The following CATSPERE variants were observed in gnomAD, a reference collection of about 807,000 sequenced individuals.
CATSPERE encodes the protein catsper channel auxiliary subunit epsilon.
Under a neutral mutation model 114.1 loss-of-function variants are expected in CATSPERE, and 93 were observed. The observed-to-expected ratio is 0.81, with a 90% CI of 0.69 to 0.97. CATSPERE has a LOEUF of 0.97. Ranked by LOEUF, CATSPERE falls within the 50% of genes least tolerant of loss-of-function variation. The probability of loss-of-function intolerance (pLI) is 0.00; values close to 1 mark genes in which losing one functional copy is unlikely to be tolerated. For synonymous variants in CATSPERE, 341 were observed against 384.1 expected, an observed-to-expected ratio of 0.89 and a Z score of 1.31; for missense variants, 1,058 against 1,131.6, an observed-to-expected ratio of 0.93 and a Z score of 0.93.
chr1:244,493,923 A>C (rs879537709), intron 6 of CATSPERE, among the ~76,000 whole-genome samples: 40 of 152,368 alleles, frequency 2.6e-4, no homozygotes, highest in Non-Finnish European at 5.1e-4. Context: ...CTCCAGTTAG[A>C]ATGGCGATCA....
At chr1:244,614,910 CAT>C (rs1450211722) in intron 19 of CATSPERE, among the ~76,000 whole-genome samples, 1 of 152,062 alleles carries the variant, frequency 6.6e-6, no homozygotes, top group Non-Finnish European at 1.5e-5. Context: ...AGTTACGTAA[CAT>C]GTTACATTTT....
At chr1:244,496,411 T>A (rs1176771000) in intron 6 of CATSPERE, among the ~76,000 whole-genome samples, 1 of 152,138 alleles carries the variant, frequency 6.6e-6, no homozygotes, top group African/African-American at 2.4e-5. Flanking sequence ...AACTGGCCAA[T>A]GATGGATGGG....
rs1673908448 is a variant in CATSPERE, at chr1:244,500,727, A to G, written c.429+1648A>G. 2.0e-5 allele frequency among the ~76,000 whole-genome samples: 3 copies of G among 152,176 alleles called. No homozygotes were observed. In the South Asian group the frequency reaches 6.2e-4, roughly 32 times the overall value. On this transcript the variant is annotated intron_variant, in intron 7 of 21. Coordinates refer to ENST00000366534, the MANE Select transcript of CATSPERE (RefSeq NM_001130957.2). ...ATATATCTGTTTTGTTACCAGTACC[A>G]TGCTGTTTTGGTTACTGTAGCTTTG...
intron 18 of CATSPERE, among the ~76,000 whole-genome samples, chr1:244,606,190 CTT>C (rs1473228570): frequency 1.3e-5 from 2 of 152,100 alleles, no homozygotes; most frequent in African/African-American, 4.8e-5. Flanking sequence ...ACCCTGCTGA[CTT>C]TGGCTTCAGT....
Position 244,605,784 on chromosome 1 carries a change from C to G in CATSPERE, c.2393C>G (p.Thr798Ser), listed in dbSNP as rs1197615649. 1.2e-6 allele frequency: 2 copies of G among 1,602,636 alleles called. No individual in the cohort carries two copies. The highest frequency in any genetic ancestry group is 3.4e-5 in the Admixed American group (2 of 59,674). ...HGRDDYSFNN[T>S]MAQSGCLHEA... ...AGGGATGACTATAGCTTTAATAATA[C>G]TATGGCACAGGTATGGCATCTTTGG... Residue 798 changes from threonine (T) to serine (S), a missense_variant, in exon 18 of 22, where the codon ACT becomes AGT. Transcript: ENST00000366534.
intron 17 of CATSPERE, 97 bp from the exon 18 acceptor site, chr1:244,605,598 A>G (rs1315898499): frequency 2.9e-6 from 2 of 688,888 alleles, no homozygotes; most frequent in Non-Finnish European, 4.9e-6. Flanking sequence ...TGATAAAGAC[A>G]GGATTTAAAC....
chr1:244,583,842 C>T (rs1007453295), intron 12 of CATSPERE, 22 bp from the exon 13 acceptor site: 3 of 1,605,138 alleles, frequency 1.9e-6, no homozygotes, highest in Admixed American at 3.3e-5. Flanking sequence ...ATACAATAAC[C>T]TGTACGAATT....
intron 17 of CATSPERE, among the ~76,000 whole-genome samples, chr1:244,594,790 C>A (rs1316320904): frequency 6.6e-6 from 1 of 152,180 alleles, no homozygotes; most frequent in Admixed American, 6.5e-5. Flanking sequence ...CACTGGGATC[C>A]TGCAGGCCTC....
chr1:244,463,953 T>C lies in CATSPERE; in HGVS notation c.111T>C (p.Ser37=). 1 of 1,597,542 alleles carries C rather than the reference T, an allele frequency of 6.3e-7. No homozygotes were observed. Among genetic ancestry groups the C allele is most frequent in the Non-Finnish European group, 8.6e-7 (1 of 1,165,462 alleles). The change falls in exon 2 of 22, where the codon AGT becomes AGC. Residue 37 remains serine, a synonymous_variant. Transcript: ENST00000366534. ...SPNYRIFSTR[S]TIKLEYEGTL... is the part of the protein sequence containing the mutation. ...ACTATCGCATTTTTAGTACCAGAAG[T>C]ACTGTAAGTGTTGAATTTTTAATAA...
intron 19 of CATSPERE, among the ~76,000 whole-genome samples, chr1:244,616,650 C>T (rs765398851): frequency 1.3e-5 from 2 of 152,184 alleles, no homozygotes; most frequent in Admixed American, 6.5e-5. Flanking sequence ...TCCGTGACAA[C>T]GGCATTATCT....
chr1:244,594,990 A>C (rs576013521), intron 17 of CATSPERE, among the ~76,000 whole-genome samples: 2 of 152,030 alleles, frequency 1.3e-5, no homozygotes, highest in South Asian at 4.2e-4. Context: ...TTTCCTGGGC[A>C]CCTGAAGCAC....
chr1:244,623,546 C>T (rs549462604), intron 20 of CATSPERE, among the ~76,000 whole-genome samples: 2 of 152,202 alleles, frequency 1.3e-5, no homozygotes, highest in South Asian at 4.1e-4. Context: ...TCACTGTCCC[C>T]TCCATGACAT....
rs768414833 is a variant in CATSPERE at position 244,518,584 on chromosome 1, T to C, written c.430-8T>C. 2.7e-6 allele frequency: 4 copies of C among 1,476,738 alleles called. No homozygotes were observed. The highest frequency in any genetic ancestry group is 3.8e-6 in the Non-Finnish European group (4 of 1,059,830). 91.5% of individuals were successfully genotyped at this position (1,476,738 alleles called of 1,614,324 possible). A position where few individuals can be genotyped will look rare whatever the true frequency, so the allele number is the denominator to read the frequency against. On this transcript the variant is annotated splice_region_variant and splice_polypyrimidine_tract_variant and intron_variant, in intron 7 of 21. Transcript: ENST00000366534. The stretch of plus-strand genomic sequence containing the variant: ...TAATAAAAAATGAAATTTAATTTGT[T>C]TTTACAGAATTCCATAGTACTCAGC...
At chr1:244,457,006 T>G (rs891225563), upstream of CATSPERE, among the ~76,000 whole-genome samples, 7 of 152,230 alleles carry the variant, frequency 4.6e-5, no homozygotes, top group African/African-American at 1.7e-4. Flanking sequence ...TTTTGTCTAG[T>G]TCAGAGGCTT....
At chr1:244,506,581 G>A (rs905943512) in intron 7 of CATSPERE, among the ~76,000 whole-genome samples, 1 of 152,006 alleles carries the variant, frequency 6.6e-6, no homozygotes, top group Admixed American at 6.6e-5. Context: ...TTGGAGGAGG[G>A]AGTTTTATTT....
At chr1:244,622,191 G>A (rs748993361) in intron 20 of CATSPERE, among the ~76,000 whole-genome samples, 12 of 152,084 alleles carry the variant, frequency 7.9e-5, no homozygotes, top group African/African-American at 1.2e-4. Context: ...TAAAAGACTA[G>A]GGGAAATGGG....
chr1:244,469,126 A>G (rs1416533939), intron 2 of CATSPERE, among the ~76,000 whole-genome samples: 2 of 152,186 alleles, frequency 1.3e-5, no homozygotes, highest in African/African-American at 2.4e-5. Context: ...ACTACATTTA[A>G]GTTAATCATT....
At chr1:244,535,831 G>A (rs928573382) in intron 8 of CATSPERE, among the ~76,000 whole-genome samples, 5 of 152,076 alleles carry the variant, frequency 3.3e-5, no homozygotes, top group African/African-American at 1.2e-4. Context: ...CTTTTCTCAA[G>A]CAGAAGGAGT....
At chr1:244,494,754 T>C (rs913621005) in intron 6 of CATSPERE, among the ~76,000 whole-genome samples, 1 of 152,110 alleles carries the variant, frequency 6.6e-6, no homozygotes, top group Non-Finnish European at 1.5e-5. Flanking sequence ...TATATAGATA[T>C]TGTAAGTCTC....
Sources: gnomAD v4.1 joint callset for allele counts (sites outside exome capture counted in the v4.1 genomes callset) on GRCh38, gnomAD v4.1.1 for gene constraint, MANE v1.5 for transcripts, NCBI Gene and HGNC (gene_info 2026-07-23, HGNC 2026-07-21) for gene names.